FSTL5: variants seen among roughly 807,000 people sequenced by gnomAD.
FSTL5 encodes follistatin-related protein 5.
A neutral mutation model predicts 89.1 loss-of-function variants in FSTL5; 62 were observed. The observed-to-expected ratio is 0.70, with a 90% CI of 0.57 to 0.86. FSTL5 has a LOEUF of 0.86. Among genes scored for constraint, FSTL5 ranks in the 40% least tolerant of loss-of-function variants. The pLI, the probability that FSTL5 is intolerant of heterozygous loss-of-function variation, is 0.00. For missense variants in FSTL5, 1,057 were observed against 1,001.6 expected (o/e 1.06, Z -0.75); for synonymous variants, 383 against 346.2 (o/e 1.11, Z -1.18).
At chr4:161,906,893 C>A (rs1021649756) in intron 4 of FSTL5, among the ~76,000 whole-genome samples, 4 of 151,966 alleles carry the variant, frequency 2.6e-5, no homozygotes, top group Non-Finnish European at 5.9e-5. Context: ...TGCTTCCATG[C>A]CTGCTGCTTC....
intron 15 of FSTL5, among the ~76,000 whole-genome samples, chr4:161,404,674 A>G (rs1226082421): frequency 1.3e-5 from 2 of 152,096 alleles, no homozygotes; most frequent in African/African-American, 4.8e-5. Flanking sequence ...ACAATAAAAA[A>G]AAATTTTCAA....
At chr4:161,649,011 TG>T (rs1736245451) in intron 7 of FSTL5, among the ~76,000 whole-genome samples, 1 of 152,190 alleles carries the variant, frequency 6.6e-6, no homozygotes, top group Non-Finnish European at 1.5e-5. Context: ...AAGTGCAGGC[TG>T]GTGAGCACAG....
At chr4:161,894,603 C>T (rs558937907) in intron 4 of FSTL5, among the ~76,000 whole-genome samples, 1 of 152,218 alleles carries the variant, frequency 6.6e-6, no homozygotes, top group Non-Finnish European at 1.5e-5. Context: ...TTCAGCCTCT[C>T]CTGTAGCTGG....
At chr4:161,792,583 C>T (rs940620996) in intron 4 of FSTL5, among the ~76,000 whole-genome samples, 8 of 152,074 alleles carry the variant, frequency 5.3e-5, no homozygotes, top group Non-Finnish European at 7.4e-5. Flanking sequence ...CCTGTGAAGC[C>T]GAGAAAAACC....
intron 4 of FSTL5, among the ~76,000 whole-genome samples, chr4:161,835,115 A>C (rs1301611902): frequency 6.7e-6 from 1 of 148,202 alleles, no homozygotes; most frequent in Non-Finnish European, 1.5e-5. Flanking sequence ...ATATAGATCA[A>C]TGGAACAGAA....
At chr4:162,108,561 A>C (rs7680314) in intron 2 of FSTL5, among the ~76,000 whole-genome samples, 128,176 of 151,668 alleles carry the variant, frequency 0.85, 54,505 homozygotes, top group Non-Finnish European at 0.89. Context: ...TTAGCAAAAT[A>C]TAATCTAAAT....
At chr4:162,084,529 C>T (rs1190978721) in intron 2 of FSTL5, among the ~76,000 whole-genome samples, 2 of 151,910 alleles carry the variant, frequency 1.3e-5, no homozygotes, top group South Asian at 2.1e-4. Flanking sequence ...AACCCAAATG[C>T]CCATCAATGA....
chr4:161,766,827 A>T (rs966732864), intron 5 of FSTL5, among the ~76,000 whole-genome samples: 3 of 152,188 alleles, frequency 2.0e-5, no homozygotes, highest in African/African-American at 7.2e-5. Flanking sequence ...GTCGTTTTCC[A>T]GATAGATAAT....
intron 4 of FSTL5, among the ~76,000 whole-genome samples, chr4:161,781,796 ATTCTATGGG>A (rs1318110938): frequency 6.6e-6 from 1 of 152,176 alleles, no homozygotes; most frequent in Admixed American, 6.5e-5. Context: ...GATGTTGTAC[ATTCTATGGG>A]TTCTGACAAT....
intron 3 of FSTL5, among the ~76,000 whole-genome samples, chr4:161,992,548 T>C (rs1470461892): frequency 3.3e-5 from 5 of 151,844 alleles, no homozygotes; most frequent in Non-Finnish European, 7.4e-5. Flanking sequence ...TCTTTAGATA[T>C]GCAAGTAGTG....
intron 6 of FSTL5, among the ~76,000 whole-genome samples, chr4:161,679,371 A>G (rs920665338): frequency 1.3e-5 from 2 of 151,730 alleles, no homozygotes; most frequent in African/African-American, 4.8e-5. Flanking sequence ...CAAAAATGAT[A>G]TGAATTAAGA....
chr4:161,878,452 T>C (rs1732518718), intron 4 of FSTL5, among the ~76,000 whole-genome samples: 1 of 152,144 alleles, frequency 6.6e-6, no homozygotes, highest in South Asian at 2.1e-4. Context: ...TATTTGCTAG[T>C]TCATATAATA....
chr4:161,439,930 C>T (rs1478085219), intron 15 of FSTL5, among the ~76,000 whole-genome samples: 1 of 152,088 alleles, frequency 6.6e-6, no homozygotes, highest in African/African-American at 2.4e-5. Context: ...CTGAGTTAAG[C>T]ATTTTCTCAT....
chr4:161,987,387 C>A (rs1328272974), intron 3 of FSTL5, among the ~76,000 whole-genome samples: 4 of 150,000 alleles, frequency 2.7e-5, no homozygotes, highest in African/African-American at 7.3e-5. Flanking sequence ...TTTAGAATGG[C>A]GGGGAAGGAG....
intron 7 of FSTL5, among the ~76,000 whole-genome samples, chr4:161,611,608 C>T (rs187755216): frequency 6.6e-6 from 1 of 151,972 alleles, no homozygotes; most frequent in Non-Finnish European, 1.5e-5. Context: ...ACCAACTAAC[C>T]AATGAGTTGC....
intron 10 of FSTL5, among the ~76,000 whole-genome samples, chr4:161,526,947 T>G (rs1253315065): frequency 6.6e-6 from 1 of 152,120 alleles, no homozygotes; most frequent in East Asian, 1.9e-4. Context: ...TTTGGTGCCA[T>G]ATGAACTTTA....
At chr4:161,874,084 T>C (rs1732361624) in intron 4 of FSTL5, among the ~76,000 whole-genome samples, 1 of 152,094 alleles carries the variant, frequency 6.6e-6, no homozygotes, top group Non-Finnish European at 1.5e-5. Context: ...TGTTATTGAG[T>C]ATGAATATAT....
chr4:161,600,513 T>C (rs958451248), intron 7 of FSTL5, among the ~76,000 whole-genome samples: 1 of 152,090 alleles, frequency 6.6e-6, no homozygotes, highest in Non-Finnish European at 1.5e-5. Context: ...AAAACTGAGT[T>C]AGTAAAAAAA....
intron 6 of FSTL5, among the ~76,000 whole-genome samples, chr4:161,746,231 A>T (rs1302694136): frequency 6.6e-6 from 1 of 152,116 alleles, no homozygotes; most frequent in Non-Finnish European, 1.5e-5. Context: ...CAGGATTATT[A>T]CTAACTTTGA....
Sources: gnomAD v4.1 joint callset for allele counts (sites outside exome capture counted in the v4.1 genomes callset) on GRCh38, gnomAD v4.1.1 for gene constraint, MANE v1.5 for transcripts, NCBI Gene and HGNC (gene_info 2026-07-23, HGNC 2026-07-21) for gene names.